Variants in CLHC1 observed in about 807,000 individuals in gnomAD.
CLHC1 encodes the protein clathrin heavy chain linker domain-containing protein 1.
A neutral mutation model predicts 69.5 loss-of-function variants in CLHC1; 72 were observed. That is an observed-to-expected ratio of 1.04 (90% confidence interval 0.86 to 1.26). The LOEUF (loss-of-function observed/expected upper bound fraction) is 1.26, where lower values mean the gene tolerates loss of function less well. Ranked by LOEUF, CLHC1 falls within the 50% of genes most tolerant of loss-of-function variation. CLHC1 has a pLI of 0.00. For synonymous variants in CLHC1, 223 were observed against 224.3 expected (o/e 0.99, Z 0.05); for missense variants, 790 against 679.3 (o/e 1.16, Z -1.81).
In CLHC1 at chr2:55,200,882, G is replaced by A. The variant is rs903919146; in HGVS notation, c.1006+5388C>T. Reference sequence around the variant, plus strand: ...AGAAATCAATAAGAAGAGGAATTTTGGAAACCATACAAATATGGAAACTAA... The same window carrying A: ...AGAAATCAATAAGAAGAGGAATTTTAGAAACCATACAAATATGGAAACTAA... On this transcript the variant is annotated intron_variant, in intron 9 of 12. Transcript: ENST00000401408. Among the ~76,000 whole-genome samples, 3 of 152,016 alleles carry A rather than the reference G, an allele frequency of 2.0e-5. No homozygotes were observed. The East Asian group carries it at 5.8e-4, about 29-fold the overall frequency.
intron 9 of CLHC1, among the ~76,000 whole-genome samples, chr2:55,204,600 C>T (rs181124004): frequency 3.9e-5 from 6 of 152,268 alleles, no homozygotes; most frequent in African/African-American, 7.2e-5. Flanking sequence ...TATGATCCAG[C>T]AATCCTATGA....
chr2:55,211,981 A>G (rs1330537605), intron 5 of CLHC1, among the ~76,000 whole-genome samples: 8 of 152,290 alleles, frequency 5.3e-5, no homozygotes, highest in Non-Finnish European at 8.8e-5. Flanking sequence ...GAGTGCATCA[A>G]AAAAACCTGA....
chr2:55,202,188 AG>A (rs34831242), intron 9 of CLHC1, among the ~76,000 whole-genome samples: 68,380 of 150,676 alleles, frequency 0.45, 15,893 homozygotes, highest in East Asian at 0.51. Context: ...AAAGAAATAA[AG>A]GGCATCCAAA....
At chr2:55,189,138 C>T (rs1358981133) in intron 9 of CLHC1, among the ~76,000 whole-genome samples, 2 of 151,844 alleles carry the variant, frequency 1.3e-5, no homozygotes, top group Non-Finnish European at 2.9e-5. Context: ...TATTATAATC[C>T]TTAGAATAAC....
chr2:55,206,315 G>T lies in CLHC1; in HGVS notation c.961C>A (p.Pro321Thr), dbSNP rs376571809. ...CCAATGTTTCGAAGAATTCTTCTAG[G>T]ACTGTTTGCTGCATAACAAGCTGCC... is the stretch of plus-strand genomic sequence containing the variant. The part of the protein sequence containing the change: ...EKAACYAANS[P>T]RRILRNIGTM... The change falls in exon 9 of 13, where the codon CCT (proline) becomes ACT (threonine). Residue 321 changes from proline to threonine, a missense_variant. Transcript: ENST00000401408. 31 of 1,611,198 alleles carry T rather than the reference G, an allele frequency of 1.9e-5. No individual in the cohort carries two copies. Among genetic ancestry groups the T allele is most frequent in the Admixed American group, 3.3e-5 (2 of 59,970 alleles).
Position 55,174,536 on chromosome 2 carries a change from AC to A in CLHC1, c.*1253del, listed in dbSNP as rs1669215358. 1.3e-5 allele frequency among the ~76,000 whole-genome samples: 2 copies of A among 152,336 alleles called. No individual in the cohort carries two copies. The highest frequency in any genetic ancestry group is 2.9e-5 in the Non-Finnish European group (2 of 68,026). On this transcript the variant is annotated 3_prime_UTR_variant, in exon 13 of 13. Transcript: ENST00000401408. ...TTCCTAAGTTCCTCTATCATGTTAT[AC>A]ACTTACACTACACATACATTATCAC...
At chr2:55,217,542 AAAAAAAAAAAATATATATAT>A (rs1178570121) in intron 4 of CLHC1, among the ~76,000 whole-genome samples, 49 of 83,540 alleles carry the variant, frequency 5.9e-4, no homozygotes, top group African/African-American at 2.8e-3. Context: ...AAAAAAAAAA[AAAAAAAAAAAATATATATAT>A]ATATATATAT....
intron 9 of CLHC1, among the ~76,000 whole-genome samples, chr2:55,194,914 CTTT>C (rs780428354): frequency 1.3e-5 from 2 of 149,216 alleles, no homozygotes; most frequent in Non-Finnish European, 3.0e-5. Context: ...CTCTTAGCAA[CTTT>C]TTTTTTTCTT....
chr2:55,209,136 G>A (rs1443430980), intron 7 of CLHC1, among the ~76,000 whole-genome samples: 4 of 152,058 alleles, frequency 2.6e-5, no homozygotes, highest in Non-Finnish European at 5.9e-5. Context: ...GCCTCCCAAA[G>A]TGCTGGGATT....
intron 9 of CLHC1, among the ~76,000 whole-genome samples, chr2:55,204,633 C>G (rs1015877876): frequency 6.6e-6 from 1 of 152,040 alleles, no homozygotes; most frequent in African/African-American, 2.4e-5. Flanking sequence ...ATCAACAATC[C>G]TATGATTAAT....
intron 9 of CLHC1, among the ~76,000 whole-genome samples, chr2:55,202,511 G>A (rs577249578): frequency 1.9e-4 from 29 of 150,588 alleles, no homozygotes; most frequent in South Asian, 4.2e-4. Flanking sequence ...AGCTGAGATC[G>A]CGCCATTGCA....
At chr2:55,212,519 T>G (rs1431901113) in intron 5 of CLHC1, among the ~76,000 whole-genome samples, 154 bp downstream of exon 5, 1 of 152,208 alleles carries the variant, frequency 6.6e-6, no homozygotes, top group Non-Finnish European at 1.5e-5. Context: ...TCCATTCCCT[T>G]GAATCTACCT....
At chr2:55,231,181 C>T (rs1286750311) in intron 1 of CLHC1, among the ~76,000 whole-genome samples, 1 of 147,664 alleles carries the variant, frequency 6.8e-6, no homozygotes, top group Non-Finnish European at 1.5e-5. Context: ...ACCTGGGAGG[C>T]GGAGTTTACA....
intron 9 of CLHC1, among the ~76,000 whole-genome samples, chr2:55,181,970 C>G (rs988167891): frequency 1.3e-5 from 2 of 151,818 alleles, no homozygotes; most frequent in Non-Finnish European, 2.9e-5. Flanking sequence ...CTGCTACAAG[C>G]CAAGGGAGGC....
intron 9 of CLHC1, among the ~76,000 whole-genome samples, chr2:55,195,010 G>C (rs1002640205): frequency 2.0e-5 from 3 of 151,764 alleles, no homozygotes; most frequent in Non-Finnish European, 4.4e-5. Flanking sequence ...TCAAACTCCT[G>C]GGCTCAAGCA....
In CLHC1 at chr2:55,173,645, T is replaced by C. The variant is rs1261275031; in HGVS notation, c.*2145A>G. On this transcript the variant is annotated 3_prime_UTR_variant, in exon 13 of 13. Transcript: ENST00000401408. Reference sequence around the variant, plus strand: ...TATACCTCCTTCAGTGTAGCTTACATGGAGGCTCTTATAGCTTCAAAGCCC... The same window carrying C: ...TATACCTCCTTCAGTGTAGCTTACACGGAGGCTCTTATAGCTTCAAAGCCC... Among the ~76,000 whole-genome samples the C allele has an allele frequency of 6.6e-6, 1 of 152,224 alleles. No homozygotes were observed. Among genetic ancestry groups the C allele is most frequent in the East Asian group, 1.9e-4 (1 of 5,206 alleles).
chr2:55,177,208 T>G (rs960833850), intron 12 of CLHC1, among the ~76,000 whole-genome samples: 4 of 152,138 alleles, frequency 2.6e-5, no homozygotes, highest in African/African-American at 9.7e-5. Context: ...CAGAGTTAGG[T>G]TCAGAGTGAA....
intron 2 of CLHC1, among the ~76,000 whole-genome samples, chr2:55,226,893 A>G (rs1674760521): frequency 6.6e-6 from 1 of 152,246 alleles, no homozygotes; most frequent in Non-Finnish European, 1.5e-5. Flanking sequence ...TTGGCCTCCC[A>G]AAGTGCTGGG....
At chr2:55,198,533 C>A (rs1178922963) in intron 9 of CLHC1, among the ~76,000 whole-genome samples, 1 of 151,474 alleles carries the variant, frequency 6.6e-6, no homozygotes, top group Admixed American at 6.6e-5. Flanking sequence ...TGCAGTGAGC[C>A]GAGATCACAC....
Sources: gnomAD v4.1 joint callset for allele counts (sites outside exome capture counted in the v4.1 genomes callset) on GRCh38, gnomAD v4.1.1 for gene constraint, MANE v1.5 for transcripts, NCBI Gene and HGNC (gene_info 2026-07-23, HGNC 2026-07-21) for gene names.